PAK1: variants seen among roughly 807,000 people sequenced by gnomAD.
The protein encoded by PAK1 is serine/threonine-protein kinase PAK 1.
In PAK1, 29 loss-of-function variants were observed where a neutral mutation model predicts 67.4. The observed-to-expected ratio is 0.43, with a 90% CI of 0.32 to 0.59. PAK1 has a LOEUF of 0.59. Ranked by LOEUF, PAK1 falls within the 20% of genes least tolerant of loss-of-function variation. PAK1 has a pLI of 0.07. For missense variants in PAK1, 337 were observed against 670.7 expected (o/e 0.50, Z 5.50); for synonymous variants, 223 against 237.4 (o/e 0.94, Z 0.56).
chr11:77,479,810 G>A, the PAK1 span, among the ~76,000 whole-genome samples: 4 of 151,840 alleles, frequency 2.6e-5, no homozygotes, highest in Non-Finnish European at 5.9e-5. Flanking sequence ...GTTTCACCAT[G>A]TTGGCCAGGC....
At chr11:77,370,407 G>C (rs549282154) in intron 5 of PAK1, among the ~76,000 whole-genome samples, 25 of 152,162 alleles carry the variant, frequency 1.6e-4, no homozygotes, top group Non-Finnish European at 3.5e-4. Context: ...TTTTAGCTTA[G>C]AATCAAATGC....
rs570581883 is a variant in PAK1, at chr11:77,399,597, C to T, written c.-21-7056G>A. Among the ~76,000 whole-genome samples, 14 of 152,138 alleles carry T rather than the reference C, an allele frequency of 9.2e-5. No individual in the cohort carries two copies. In the East Asian group the frequency reaches 1.9e-3, roughly 21 times the overall value. ...AAGATTGGCCGGGCGCGGTGGCTCACGCCTGTAATCCCAGCACTTTGGGAG... is the reference window on the plus strand; with the variant it reads ...AAGATTGGCCGGGCGCGGTGGCTCATGCCTGTAATCCCAGCACTTTGGGAG... On this transcript the variant is annotated intron_variant, in intron 1 of 14. Coordinates refer to ENST00000356341, the MANE Select transcript of PAK1 (RefSeq NM_002576.5).
At chr11:77,505,900 A>G in the PAK1 span, among the ~76,000 whole-genome samples, 1 of 152,174 alleles carries the variant, frequency 6.6e-6, no homozygotes, top group Non-Finnish European at 1.5e-5. Context: ...AGAAGGAGCA[A>G]TCAGCCCAGC....
At chr11:77,429,372 C>T (rs543580186) in intron 1 of PAK1, among the ~76,000 whole-genome samples, 36 of 152,186 alleles carry the variant, frequency 2.4e-4, no homozygotes, top group Admixed American at 8.5e-4. Flanking sequence ...GGCAACGAAA[C>T]GGATATTTAC....
At chr11:77,376,565 C>T (rs865950666) in intron 4 of PAK1, among the ~76,000 whole-genome samples, 2 of 151,866 alleles carry the variant, frequency 1.3e-5, no homozygotes, top group Middle Eastern at 3.4e-3. Flanking sequence ...GGTGAAACCC[C>T]ATCTCTACTA....
At chr11:77,383,711 G>T (rs184937411) in intron 2 of PAK1, among the ~76,000 whole-genome samples, 1 of 152,258 alleles carries the variant, frequency 6.6e-6, no homozygotes, top group Non-Finnish European at 1.5e-5. Flanking sequence ...ATACAGGAGA[G>T]AAATGGAGAA....
chr11:77,434,711 C>T (rs946753418), intron 1 of PAK1, among the ~76,000 whole-genome samples: 2 of 152,136 alleles, frequency 1.3e-5, no homozygotes, highest in African/African-American at 2.4e-5. Flanking sequence ...CTCTGCCTCC[C>T]GGGCTCCACT....
the PAK1 span, among the ~76,000 whole-genome samples, chr11:77,490,086 C>T: frequency 1.3e-5 from 2 of 149,548 alleles, no homozygotes; most frequent in Non-Finnish European, 1.5e-5. Flanking sequence ...ATGTGGGGAG[C>T]GCCTCTGCCC....
chr11:77,504,018 A>G, the PAK1 span, among the ~76,000 whole-genome samples: 1 of 151,998 alleles, frequency 6.6e-6, no homozygotes, highest in Non-Finnish European at 1.5e-5. Flanking sequence ...CAGCCTCCCA[A>G]GTAGCGGGGA....
intron 14 of PAK1, among the ~76,000 whole-genome samples, chr11:77,329,492 T>C (rs1178069353): frequency 6.6e-6 from 1 of 152,224 alleles, no homozygotes; most frequent in Non-Finnish European, 1.5e-5. Context: ...CGCAAATCAA[T>C]AAATGTAATC....
intron 11 of PAK1, among the ~76,000 whole-genome samples, chr11:77,340,351 C>T (rs964042228): frequency 6.6e-6 from 1 of 152,070 alleles, no homozygotes; most frequent in South Asian, 2.1e-4. Flanking sequence ...TATATTATAA[C>T]GTGCTTAGGC....
At chr11:77,363,297 T>C (rs967373833) in intron 5 of PAK1, among the ~76,000 whole-genome samples, 9 of 151,944 alleles carry the variant, frequency 5.9e-5, no homozygotes, top group Non-Finnish European at 1.0e-4. Flanking sequence ...AGAGAGGAGA[T>C]GAGATGGTAG....
At chr11:77,355,890 A>G (rs1323238704) in intron 6 of PAK1, 48 bp from the exon 7 acceptor site, 4 of 1,229,456 alleles carry the variant, frequency 3.3e-6, no homozygotes, top group Non-Finnish European at 4.8e-6. Flanking sequence ...TTGTTAGCAT[A>G]GGGGAACCTC....
At chr11:77,520,002 G>GC in the PAK1 span, among the ~76,000 whole-genome samples, 39,541 of 151,002 alleles carry the variant, frequency 0.26, 5,660 homozygotes, top group South Asian at 0.48. Context: ...CTGGCCTGTG[G>GC]CCCCCCCCTC....
At chr11:77,340,496 A>C (rs1943433196) in intron 11 of PAK1, 150 bp downstream of exon 11, 2 of 631,576 alleles carry the variant, frequency 3.2e-6, no homozygotes, top group East Asian at 5.0e-5. Flanking sequence ...AATGACAAAC[A>C]CAGGTACAAT....
intron 9 of PAK1, among the ~76,000 whole-genome samples, chr11:77,347,607 C>T (rs1305678414): frequency 1.3e-5 from 2 of 152,076 alleles, no homozygotes; most frequent in Non-Finnish European, 2.9e-5. Context: ...TACTTTAAGG[C>T]AGATTCGTGT....
intron 1 of PAK1, among the ~76,000 whole-genome samples, chr11:77,458,376 T>C: frequency 6.6e-6 from 1 of 152,136 alleles, no homozygotes; most frequent in Admixed American, 6.5e-5. Flanking sequence ...TTCCCAAGGG[T>C]CTCTTTTAAT....
chr11:77,469,653 T>C (rs1053981350), intron 1 of PAK1, among the ~76,000 whole-genome samples: 22 of 151,580 alleles, frequency 1.5e-4, no homozygotes, highest in African/African-American at 5.3e-4. Flanking sequence ...AATTACAACA[T>C]TACCCCTTAG....
chr11:77,495,930 C>G, the PAK1 span, among the ~76,000 whole-genome samples: 5,734 of 151,778 alleles, frequency 0.038, 387 homozygotes, highest in African/African-American at 0.13. Flanking sequence ...CATAGAGTTA[C>G]ATTTTGCAAG....
Sources: allele counts gnomAD v4.1 joint callset (sites outside exome capture counted in the v4.1 genomes callset), GRCh38; gene constraint gnomAD v4.1.1; transcripts MANE v1.5; gene names NCBI Gene and HGNC (gene_info 2026-07-23, HGNC 2026-07-21).